Variants in SPATS1 observed in about 807,000 individuals in gnomAD.
The protein encoded by SPATS1 is spermatogenesis-associated serine-rich protein 1.
A neutral mutation model predicts 33.6 loss-of-function variants in SPATS1; 23 were observed. The observed-to-expected ratio is 0.68, with a 90% CI of 0.49 to 0.97. The LOEUF (loss-of-function observed/expected upper bound fraction) is 0.97, where lower values mean the gene tolerates loss of function less well. Among genes scored for constraint, SPATS1 ranks in the 50% least tolerant of loss-of-function variants. The pLI is 0.00. For synonymous variants in SPATS1, 131 were observed against 125.6 expected (o/e 1.04, Z -0.29); for missense variants, 327 against 361.0 (o/e 0.91, Z 0.76).
chr6:44,354,054 C>CA (rs1443239665), intron 3 of SPATS1, among the ~76,000 whole-genome samples: 5 of 92,990 alleles, frequency 5.4e-5, no homozygotes, highest in East Asian at 3.0e-4. Flanking sequence ...AAAAAAAAAA[C>CA]AAAAAAAAGT....
intron 7 of SPATS1, among the ~76,000 whole-genome samples, chr6:44,375,903 C>T (rs747625953): frequency 1.3e-5 from 2 of 151,784 alleles, no homozygotes; most frequent in African/African-American, 4.8e-5. Context: ...GTCGGAAATT[C>T]GATACCAGCT....
chr6:44,350,974 A>G (rs559045540), intron 2 of SPATS1, among the ~76,000 whole-genome samples: 1 of 152,132 alleles, frequency 6.6e-6, no homozygotes, highest in Non-Finnish European at 1.5e-5. Context: ...AAATACAAAA[A>G]TTAGCCAGGC....
At chr6:44,349,752 A>G (rs1006996111) in intron 2 of SPATS1, among the ~76,000 whole-genome samples, 1 of 152,228 alleles carries the variant, frequency 6.6e-6, no homozygotes, top group Non-Finnish European at 1.5e-5. Flanking sequence ...ATAGTACTCA[A>G]TGTTCATTGA....
chr6:44,361,348 C>A (rs1050117748), intron 4 of SPATS1: 1 of 985,396 alleles, frequency 1.0e-6, no homozygotes. Context: ...ATCACAGGTC[C>A]ATTTCCCGGT....
At chr6:44,363,038 T>C (rs897917174) in intron 5 of SPATS1, among the ~76,000 whole-genome samples, 5 of 152,106 alleles carry the variant, frequency 3.3e-5, no homozygotes, top group African/African-American at 9.7e-5. Flanking sequence ...GATTTCTCCA[T>C]GTTGGTCAGG....
chr6:44,360,551 C>T lies in SPATS1; in HGVS notation c.393C>T (p.Ser131=), dbSNP rs369103191. 11 of 1,614,018 alleles carry T rather than the reference C, an allele frequency of 6.8e-6. No homozygotes were observed. The highest frequency in any genetic ancestry group is 1.3e-5 in the African/African-American group (1 of 74,914). ...VQKDKYPEEF[S]LLKLQTKDGH... is the part of the protein sequence containing the mutation. ...AGGATAAATATCCTGAGGAATTCAG[C>T]CTGCTTAAGTTGCAGACGAGTAAGT... Residue 131 remains serine, a synonymous_variant, in exon 4 of 9, where the codon AGC becomes AGT. Coordinates refer to ENST00000674044, the MANE Select transcript of SPATS1 (RefSeq NM_001372081.1).
chr6:44,362,829 C>T (rs1008222577), intron 5 of SPATS1, among the ~76,000 whole-genome samples: 2 of 151,942 alleles, frequency 1.3e-5, no homozygotes, highest in Non-Finnish European at 2.9e-5. Context: ...CGTGAGGAGT[C>T]CTGCACCTTG....
chr6:44,363,696 TTCCTTCCC>T, intron 5 of SPATS1, among the ~76,000 whole-genome samples: 4 of 146,864 alleles, frequency 2.7e-5, no homozygotes, highest in African/African-American at 5.0e-5. Flanking sequence ...CCCTCCTTCC[TTCCTTCCC>T]TCCTTCCTTC....
chr6:44,352,696 T>C lies in SPATS1; in HGVS notation c.140-30T>C, dbSNP rs1788313611. Reference sequence around the variant, plus strand: ...AGGGTGGAATGTATTTTCAATAATGTAATTAAATGGTGATATCTCTGTGTT... The same window carrying C: ...AGGGTGGAATGTATTTTCAATAATGCAATTAAATGGTGATATCTCTGTGTT... On this transcript the variant is annotated intron_variant, in intron 2 of 8. Transcript: ENST00000674044. The C allele has an allele frequency of 6.9e-6, 11 of 1,600,050 alleles. No homozygotes were observed. In the East Asian group the frequency reaches 2.2e-4, roughly 33 times the overall value.
At chr6:44,376,278 G>A (rs1239574199) in intron 7 of SPATS1, 80 bp from the exon 8 acceptor site, 3 of 822,846 alleles carry the variant, frequency 3.6e-6, no homozygotes, top group Non-Finnish European at 6.0e-6. Context: ...TACTTTTGGA[G>A]CACATAATTT....
intron 4 of SPATS1, chr6:44,361,198 C>T: frequency 6.0e-6 from 2 of 332,274 alleles, no homozygotes; most frequent in Non-Finnish European, 8.6e-6. Flanking sequence ...TCAAGCACCC[C>T]TAGAGCTACT....
chr6:44,376,521 G>A (rs781232143), intron 8 of SPATS1, 48 bp downstream of exon 8: 71 of 1,349,694 alleles, frequency 5.3e-5, no homozygotes, highest in African/African-American at 4.4e-5. Context: ...GGAGGAGTCC[G>A]CCGGGTATGG....
chr6:44,343,787 C>T (rs751839404), intron 2 of SPATS1, among the ~76,000 whole-genome samples: 2 of 152,164 alleles, frequency 1.3e-5, no homozygotes, highest in Non-Finnish European at 2.9e-5. Flanking sequence ...AGTGTCATGG[C>T]GCTGAACAGC....
At chr6:44,348,723 C>T (rs1022961189) in intron 2 of SPATS1, among the ~76,000 whole-genome samples, 17 of 152,136 alleles carry the variant, frequency 1.1e-4, no homozygotes, top group South Asian at 2.1e-4. Flanking sequence ...GTGGCTCACG[C>T]CTGTAATACC....
chr6:44,376,721 A>T (rs1181532871), intron 8 of SPATS1, among the ~76,000 whole-genome samples: 3 of 152,134 alleles, frequency 2.0e-5, no homozygotes, highest in Non-Finnish European at 4.4e-5. Flanking sequence ...AATCACTTGA[A>T]CCTGGGAGGT....
intron 3 of SPATS1, among the ~76,000 whole-genome samples, chr6:44,354,480 C>T (rs1019381477): frequency 1.1e-4 from 17 of 151,810 alleles, no homozygotes; most frequent in Admixed American, 1.1e-3. Context: ...ATTTATTTTA[C>T]AATTAAGATC....
intron 3 of SPATS1, among the ~76,000 whole-genome samples, chr6:44,358,060 T>C (rs1175593010): frequency 6.6e-6 from 1 of 152,168 alleles, no homozygotes; most frequent in Admixed American, 6.5e-5. Context: ...CCAATTCCAG[T>C]TGTCCCCAGC....
chr6:44,361,240 A>T, intron 4 of SPATS1: 1 of 631,336 alleles, frequency 1.6e-6, no homozygotes, highest in Non-Finnish European at 2.0e-6. Flanking sequence ...AGTCACTGTT[A>T]GCCATCTTAC....
In SPATS1 at chr6:44,370,100, C is replaced by T. The variant is rs1789511964; in HGVS notation, c.745C>T (p.Pro249Ser). The T allele has an allele frequency of 6.2e-7, 1 of 1,611,762 alleles. No homozygotes were observed. Among genetic ancestry groups the T allele is most frequent in the Non-Finnish European group, 8.5e-7 (1 of 1,178,306 alleles). The change falls in exon 7 of 9, where the codon CCA (proline) becomes TCA (serine). Residue 249 changes from proline (P) to serine (S), a missense_variant. Coordinates refer to ENST00000674044, the MANE Select transcript of SPATS1 (RefSeq NM_001372081.1). ...TACATTTATTCCACTTGAGCCTCTT[C>T]CACAAATTCCCAAGTGAGTTCTCTT... is the stretch of plus-strand genomic sequence containing the variant. Reference protein sequence around the residue: ...FDTFIPLEPLPQIPNLPFWVK... With the variant: ...FDTFIPLEPLSQIPNLPFWVK...
Sources: gnomAD v4.1 joint callset for allele counts (sites outside exome capture counted in the v4.1 genomes callset) on GRCh38, gnomAD v4.1.1 for gene constraint, MANE v1.5 for transcripts, NCBI Gene and HGNC (gene_info 2026-07-23, HGNC 2026-07-21) for gene names.